Variants in CDH10 observed in about 807,000 individuals in gnomAD.
CDH10 encodes the protein cadherin-10.
Under a neutral mutation model 73.1 loss-of-function variants are expected in CDH10, and 30 were observed. The observed-to-expected ratio is 0.41, with a 90% CI of 0.31 to 0.56. The LOEUF is 0.56. Ranked by LOEUF, CDH10 falls within the 20% of genes least tolerant of loss-of-function variation. CDH10 has a pLI of 0.27. For missense variants in CDH10, 815 were observed against 973.7 expected, an observed-to-expected ratio of 0.84 and a Z score of 2.17; for synonymous variants, 345 against 348.2, an observed-to-expected ratio of 0.99 and a Z score of 0.10.
chr5:24,557,497 G>A (rs1744810524), intron 2 of CDH10, among the ~76,000 whole-genome samples: 1 of 151,418 alleles, frequency 6.6e-6, no homozygotes, highest in African/African-American at 2.4e-5. Flanking sequence ...AATTTCATTT[G>A]TGATCCTCAG....
chr5:24,502,112 A>C (rs921380693), intron 8 of CDH10, among the ~76,000 whole-genome samples: 36 of 151,814 alleles, frequency 2.4e-4, no homozygotes, highest in South Asian at 4.2e-4. Context: ...TTAGTAGAGA[A>C]GGGGTTTCAC....
intron 2 of CDH10, among the ~76,000 whole-genome samples, chr5:24,559,185 A>G (rs1441793368): frequency 6.6e-6 from 1 of 151,950 alleles, no homozygotes; most frequent in African/African-American, 2.4e-5. Flanking sequence ...TGTTTATTAT[A>G]AATAAATTAC....
In CDH10 at chr5:24,535,269, C is replaced by T. The variant is rs199650006; in HGVS notation, c.657G>A (p.Arg219=). ...CTCTGTTCATGTTCGGTAAAGCAGTCCTGATGATACCTTGAGAAAATATAA... is the reference window on the plus strand; with the variant it reads ...CTCTGTTCATGTTCGGTAAAGCAGTTCTGATGATACCTTGAGAAAATATAA... ...FSVEPETGII[R]TALPNMNREN... Residue 219 remains arginine (R), a synonymous_variant, in exon 5 of 12, where the codon AGG becomes AGA. Coordinates refer to ENST00000264463, the MANE Select transcript of CDH10 (RefSeq NM_006727.5). 1.0e-4 allele frequency: 162 copies of T among 1,604,984 alleles called. 1 individual carries two copies. In the East Asian group the frequency reaches 3.6e-3, roughly 36 times the overall value.
intron 1 of CDH10, among the ~76,000 whole-genome samples, chr5:24,622,782 G>A (rs1747360902): frequency 1.3e-5 from 2 of 152,126 alleles, no homozygotes; most frequent in Admixed American, 1.3e-4. Flanking sequence ...AGTATAGGTA[G>A]TTAGGGGAAA....
At chr5:24,617,903 C>T (rs114584391) in intron 1 of CDH10, among the ~76,000 whole-genome samples, 1,717 of 152,246 alleles carry the variant, frequency 0.011, 33 homozygotes, top group African/African-American at 0.038. Flanking sequence ...CAAAGCCATA[C>T]GGTTTTAGAA....
intron 1 of CDH10, among the ~76,000 whole-genome samples, chr5:24,620,164 C>G (rs997047352): frequency 6.6e-6 from 1 of 152,104 alleles, no homozygotes; most frequent in Non-Finnish European, 1.5e-5. Context: ...TCTCCTCACA[C>G]GTTAATAGGC....
intron 1 of CDH10, among the ~76,000 whole-genome samples, chr5:24,621,183 G>A (rs1747305095): frequency 6.6e-6 from 1 of 152,108 alleles, no homozygotes; most frequent in Non-Finnish European, 1.5e-5. Context: ...CTCACCTACA[G>A]TGCCAATGAG....
intron 2 of CDH10, among the ~76,000 whole-genome samples, chr5:24,563,528 G>C (rs1745038619): frequency 6.9e-6 from 1 of 145,360 alleles, no homozygotes; most frequent in Non-Finnish European, 1.5e-5. Context: ...GGTCGAGGTG[G>C]GCGGATCACG....
At chr5:24,639,008 G>A (rs903533089) in intron 1 of CDH10, among the ~76,000 whole-genome samples, 2 of 151,436 alleles carry the variant, frequency 1.3e-5, no homozygotes, top group African/African-American at 4.8e-5. Flanking sequence ...TTTATTTAAG[G>A]AAAATATTTT....
chr5:24,535,608 AT>A (rs1268667743), intron 4 of CDH10, 94 bp downstream of exon 4: 1 of 1,081,026 alleles, frequency 9.3e-7, no homozygotes, highest in Non-Finnish European at 1.3e-6. Context: ...GTGAGTATTA[AT>A]GTTAAGGTTT....
At chr5:24,589,752 C>T (rs960987390) in intron 2 of CDH10, among the ~76,000 whole-genome samples, 9 of 151,894 alleles carry the variant, frequency 5.9e-5, no homozygotes, top group Admixed American at 2.0e-4. Context: ...ATCTGCTCAA[C>T]GCAACTGGAC....
At chr5:24,579,841 A>AT (rs34761818) in intron 2 of CDH10, among the ~76,000 whole-genome samples, 5 of 151,386 alleles carry the variant, frequency 3.3e-5, no homozygotes, top group Admixed American at 6.6e-5. Context: ...CTACACTCAC[A>AT]TTTTTTTGCA....
intron 1 of CDH10, among the ~76,000 whole-genome samples, chr5:24,642,543 T>C (rs1338096101): frequency 6.6e-6 from 1 of 152,146 alleles, no homozygotes; most frequent in Non-Finnish European, 1.5e-5. Flanking sequence ...TAAATTAAAA[T>C]CAGTTTTGTA....
intron 1 of CDH10, among the ~76,000 whole-genome samples, chr5:24,627,497 T>A (rs79993348): frequency 0.018 from 2,780 of 152,238 alleles, 100 homozygotes; most frequent in African/African-American, 0.064. Context: ...TATTTAAACA[T>A]GCAATAGCGG....
At chr5:24,610,099 T>C (rs1384654414) in intron 1 of CDH10, 2 of 152,252 alleles carry the variant, frequency 1.3e-5, no homozygotes, top group Non-Finnish European at 2.9e-5. Context: ...ATTTAGCTAG[T>C]TGATCATTGT....
At chr5:24,523,053 T>G (rs1030670414) in intron 5 of CDH10, among the ~76,000 whole-genome samples, 1 of 152,012 alleles carries the variant, frequency 6.6e-6, no homozygotes, top group Non-Finnish European at 1.5e-5. Context: ...AGCATGGCAT[T>G]TAAATATGCA....
intron 2 of CDH10, among the ~76,000 whole-genome samples, chr5:24,560,056 T>G (rs2111983899): frequency 6.6e-6 from 1 of 152,298 alleles, no homozygotes; most frequent in African/African-American, 2.4e-5. Flanking sequence ...GTCTTTCCTT[T>G]AACTTTTTAA....
chr5:24,630,006 C>T (rs1333151274), intron 1 of CDH10, among the ~76,000 whole-genome samples: 2 of 152,090 alleles, frequency 1.3e-5, no homozygotes, highest in African/African-American at 2.4e-5. Context: ...AATATATGTT[C>T]TACTTATATG....
At chr5:24,613,977 T>A (rs1193990123) in intron 1 of CDH10, among the ~76,000 whole-genome samples, 1 of 152,158 alleles carries the variant, frequency 6.6e-6, no homozygotes, top group East Asian at 1.9e-4. Context: ...TTCAGAGAGA[T>A]ACCCAAACAT....
Sources: gnomAD v4.1 joint callset for allele counts (sites outside exome capture counted in the v4.1 genomes callset) on GRCh38, gnomAD v4.1.1 for gene constraint, MANE v1.5 for transcripts, NCBI Gene and HGNC (gene_info 2026-07-23, HGNC 2026-07-21) for gene names.